Variants in SLC25A21 observed in about 807,000 individuals in gnomAD.
The protein encoded by SLC25A21 is solute carrier family 25 member 21, also known as mitochondrial 2-oxodicarboxylate carrier.
A neutral mutation model predicts 43.8 loss-of-function variants in SLC25A21; 47 were observed. That is an observed-to-expected ratio of 1.07 (90% CI 0.85 to 1.37). The LOEUF (loss-of-function observed/expected upper bound fraction) is 1.37, where lower values mean the gene tolerates loss of function less well. Among genes scored for constraint, SLC25A21 ranks in the 40% most tolerant of loss-of-function variants. The pLI is 0.00. For synonymous variants in SLC25A21, 131 were observed against 121.3 expected (o/e 1.08, Z -0.52); for missense variants, 352 against 350.2 (o/e 1.00, Z -0.04).
In SLC25A21 at chr14:36,705,131, C is replaced by G. The variant is rs369395556; in HGVS notation, c.603+6187G>C. On this transcript the variant is annotated intron_variant, in intron 7 of 9. Coordinates refer to ENST00000331299, the MANE Select transcript of SLC25A21 (RefSeq NM_030631.4). Reference sequence around the variant, plus strand: ...TCTCTGCTCACTGCAAGCTCCGCCTCCCGGGTTCACACCATTTTCCTGCCT... The same window carrying G: ...TCTCTGCTCACTGCAAGCTCCGCCTGCCGGGTTCACACCATTTTCCTGCCT... 7.7e-4 allele frequency among the ~76,000 whole-genome samples: 117 copies of G among 152,158 alleles called. 3 individuals carry two copies. The South Asian group carries it at 0.022, about 28-fold the overall frequency.
At position 37,070,077 on chromosome 14, in the gene SLC25A21, T is replaced by C. The variant is rs191663431; in HGVS notation, c.70+102204A>G. Among the ~76,000 whole-genome samples the C allele has an allele frequency of 1.7e-3, 265 of 152,312 alleles. 2 individuals carry two copies. The highest frequency in any genetic ancestry group is 6.3e-3 in the African/African-American group (262 of 41,574). The stretch of plus-strand genomic sequence containing the variant: ...AGTTATTTCATTCATGTGTCTCCTT[T>C]TGGAACCTGGGTAATTTAACGAATC... On this transcript the variant is annotated intron_variant, in intron 1 of 9. Transcript: ENST00000331299.
chr14:36,989,626 G>C (rs1960220395), intron 1 of SLC25A21, among the ~76,000 whole-genome samples: 1 of 151,830 alleles, frequency 6.6e-6, no homozygotes, highest in African/African-American at 2.4e-5. Flanking sequence ...GGAAAAAAAT[G>C]CCTACCCATA....
At chr14:36,800,671 C>T (rs1252262438) in intron 3 of SLC25A21, among the ~76,000 whole-genome samples, 9 of 151,756 alleles carry the variant, frequency 5.9e-5, no homozygotes, top group Non-Finnish European at 1.0e-4. Flanking sequence ...GATGGTTGCA[C>T]GACATTGACT....
intron 1 of SLC25A21, among the ~76,000 whole-genome samples, chr14:37,058,668 T>C (rs115305587): frequency 4.0e-4 from 61 of 152,328 alleles, no homozygotes; most frequent in African/African-American, 1.4e-3. Flanking sequence ...CATATATTGT[T>C]ACAATATCTG....
chr14:36,805,380 G>T (rs1324962297), intron 3 of SLC25A21, among the ~76,000 whole-genome samples: 1 of 152,136 alleles, frequency 6.6e-6, no homozygotes, highest in Non-Finnish European at 1.5e-5. Context: ...CCATTTTAAA[G>T]GTCACTCTGT....
intron 1 of SLC25A21, among the ~76,000 whole-genome samples, chr14:36,971,403 T>C (rs1444017546): frequency 6.6e-6 from 1 of 152,122 alleles, no homozygotes; most frequent in African/African-American, 2.4e-5. Flanking sequence ...TTGCCAGCCA[T>C]GTGTACAGTA....
chr14:37,049,530 C>T (rs141319227), intron 1 of SLC25A21, among the ~76,000 whole-genome samples: 1 of 152,136 alleles, frequency 6.6e-6, no homozygotes, highest in Non-Finnish European at 1.5e-5. Flanking sequence ...TGTGATCACA[C>T]CACTGCACTC....
Position 36,680,024 on chromosome 14 carries a change from A to C in SLC25A21, c.*634T>G, listed in dbSNP as rs2139130836. 5.8e-6 allele frequency: 5 copies of C among 867,488 alleles called. No individual in the cohort carries two copies. Among genetic ancestry groups the C allele is most frequent in the African/African-American group, 1.8e-5 (1 of 54,484 alleles). The allele number at this position is 867,488 out of a possible 1,614,324, so 53.7% of individuals were successfully genotyped here. On this transcript the variant is annotated 3_prime_UTR_variant, in exon 10 of 10. Transcript: ENST00000331299. The stretch of plus-strand genomic sequence containing the variant: ...ATTTATTATCTTACAGCAATATGAG[A>C]TATAAAGTAGATGTAGGAAAATAGA...
intron 1 of SLC25A21, among the ~76,000 whole-genome samples, chr14:36,997,293 G>A (rs1960391982): frequency 6.6e-6 from 1 of 152,044 alleles, no homozygotes; most frequent in South Asian, 2.1e-4. Flanking sequence ...ATGCTCCCGC[G>A]GAGCTATACT....
intron 1 of SLC25A21, among the ~76,000 whole-genome samples, chr14:36,996,124 C>T (rs1960366659): frequency 6.6e-6 from 1 of 152,134 alleles, no homozygotes; most frequent in Non-Finnish European, 1.5e-5. Context: ...ATAGCTGGCT[C>T]CCACTCTCCC....
intron 1 of SLC25A21, among the ~76,000 whole-genome samples, chr14:36,973,874 A>G (rs999126469): frequency 6.6e-6 from 1 of 152,218 alleles, no homozygotes; most frequent in Admixed American, 6.5e-5. Flanking sequence ...AGGCAGAATG[A>G]GAAGTAAGTG....
chr14:36,932,794 C>T (rs1892327729), intron 1 of SLC25A21, among the ~76,000 whole-genome samples: 1 of 151,540 alleles, frequency 6.6e-6, no homozygotes, highest in Non-Finnish European at 1.5e-5. Flanking sequence ...GGCAGGAAAA[C>T]TGAAAAATCA....
At chr14:36,791,492 C>T (rs1887482432) in intron 3 of SLC25A21, among the ~76,000 whole-genome samples, 1 of 152,118 alleles carries the variant, frequency 6.6e-6, no homozygotes, top group Admixed American at 6.5e-5. Context: ...CCATTTTAAA[C>T]AGAAAACTGG....
chr14:36,765,612 T>C (rs1490139285), intron 3 of SLC25A21, among the ~76,000 whole-genome samples: 1 of 152,164 alleles, frequency 6.6e-6, no homozygotes, highest in African/African-American at 2.4e-5. Flanking sequence ...ACTCAGATTA[T>C]ACTAGAAAAG....
rs569614963 is a variant in SLC25A21, at chr14:36,871,989, A to C, written c.119+2967T>G. Reference sequence around the variant, plus strand: ...TTTCAATCAGCAGGGATGAGAGTGCAGGCAATTTTGGGAAAACAAAGGCAG... The same window carrying C: ...TTTCAATCAGCAGGGATGAGAGTGCCGGCAATTTTGGGAAAACAAAGGCAG... On this transcript the variant is annotated intron_variant, in intron 2 of 9. Coordinates refer to ENST00000331299, the MANE Select transcript of SLC25A21 (RefSeq NM_030631.4). Among the ~76,000 whole-genome samples, 5 of 152,296 alleles carry C rather than the reference A, an allele frequency of 3.3e-5. No individual in the cohort carries two copies. The South Asian group carries it at 8.3e-4, about 25-fold the overall frequency.
rs1006522150 is a variant in SLC25A21, at chr14:36,949,873, C to T, written c.71-74869G>A. Among the ~76,000 whole-genome samples, 25 of 152,256 alleles carry T rather than the reference C, an allele frequency of 1.6e-4. No homozygotes were observed. In the East Asian group the frequency reaches 4.2e-3, roughly 26 times the overall value. ...CAGGCAAATAGACAACAATGGGTTT[C>T]TTCAAAAAGGTGGGGGAAGGGGCTC... On this transcript the variant is annotated intron_variant, in intron 1 of 9. Coordinates refer to ENST00000331299, the MANE Select transcript of SLC25A21 (RefSeq NM_030631.4).
chr14:36,887,762 T>C (rs1029717830), intron 1 of SLC25A21, among the ~76,000 whole-genome samples: 4 of 152,118 alleles, frequency 2.6e-5, no homozygotes, highest in African/African-American at 9.7e-5. Context: ...GCTTTCTACC[T>C]CTCTATCAAC....
chr14:37,061,143 T>C (rs1157771263), intron 1 of SLC25A21, among the ~76,000 whole-genome samples: 2 of 152,158 alleles, frequency 1.3e-5, no homozygotes, highest in South Asian at 4.1e-4. Flanking sequence ...CCCTGAACTT[T>C]CCATTGTAAA....
intron 7 of SLC25A21, 28 bp from the exon 8 acceptor site, chr14:36,684,953 GA>G: frequency 6.3e-7 from 1 of 1,587,446 alleles, no homozygotes; most frequent in South Asian, 1.1e-5. Context: ...TAATATAACA[GA>G]AAGGGGAGCG....
Sources: gnomAD v4.1 joint callset for allele counts (sites outside exome capture counted in the v4.1 genomes callset) on GRCh38, gnomAD v4.1.1 for gene constraint, MANE v1.5 for transcripts, NCBI Gene and HGNC (gene_info 2026-07-23, HGNC 2026-07-21) for gene names.